TINAG: variants seen among roughly 807,000 people sequenced by gnomAD.
TINAG encodes the protein tubulointerstitial nephritis antigen.
Under a neutral mutation model 72.7 loss-of-function variants are expected in TINAG, and 83 were observed. The ratio of observed to expected loss-of-function variants is 1.14; its 90% CI spans 0.96 to 1.37. TINAG has a LOEUF of 1.37. TINAG is among the 40% of genes most tolerant of loss of function. The pLI is 0.00. For missense variants in TINAG, 685 were observed against 576.6 expected, an observed-to-expected ratio of 1.19 and a Z score of -1.93; for synonymous variants, 234 against 189.9, an observed-to-expected ratio of 1.23 and a Z score of -1.91.
intron 3 of TINAG, among the ~76,000 whole-genome samples, chr6:54,322,650 T>G (rs1037647759): frequency 6.6e-6 from 1 of 152,170 alleles, no homozygotes; most frequent in African/African-American, 2.4e-5. Flanking sequence ...GTATTCAAAG[T>G]TTTTTCTTGG....
intron 9 of TINAG, among the ~76,000 whole-genome samples, chr6:54,357,656 T>C (rs1401699260): frequency 6.6e-6 from 1 of 151,932 alleles, no homozygotes; most frequent in Admixed American, 6.6e-5. Context: ...ACAACCTCTT[T>C]TGGCCCTTTC....
Position 54,349,810 on chromosome 6 carries a change from C to T in TINAG, c.994C>T (p.Arg332Trp), listed in dbSNP as rs767247771. ...AAGCAGGTCTGATGGGCGAGGAAAA[C>T]GGCATGCCACGAAGCCATGTCCCAA... ...MASRSDGRGKRHATKPCPNNV... is the reference protein window; with the variant it reads ...MASRSDGRGKWHATKPCPNNV... Residue 332 changes from arginine to tryptophan, a missense_variant, in exon 7 of 11, where the codon CGG (arginine) becomes TGG (tryptophan). Transcript: ENST00000259782. 29 of 1,610,450 alleles carry T rather than the reference C, an allele frequency of 1.8e-5. No individual in the cohort carries two copies. Among genetic ancestry groups the T allele is most frequent in the Non-Finnish European group, 2.4e-5 (28 of 1,177,878 alleles).
intron 8 of TINAG, among the ~76,000 whole-genome samples, chr6:54,351,864 C>T (rs537560001): frequency 9.9e-5 from 15 of 151,804 alleles, no homozygotes; most frequent in African/African-American, 1.7e-4. Context: ...CAAAATAAAG[C>T]GAGTAAACTA....
Position 54,389,907 on chromosome 6 carries a change from G to A in TINAG, c.1413G>A (p.Thr471=), listed in dbSNP as rs746091391. ...TTATCGCAGCTTGGGGCCAACTGAC[G>A]AGTTCTGATGAACCATAACATATCA... is the stretch of plus-strand genomic sequence containing the variant. ...KLIIAAWGQL[T]SSDEP Residue 471 remains threonine, a synonymous_variant, in exon 11 of 11, where the codon ACG becomes ACA. Coordinates refer to ENST00000259782, the MANE Select transcript of TINAG (RefSeq NM_014464.4). 1.4e-5 allele frequency: 23 copies of A among 1,611,282 alleles called. No homozygotes were observed. Among genetic ancestry groups the A allele is most frequent in the Non-Finnish European group, 1.9e-5 (22 of 1,178,944 alleles).
chr6:54,378,431 A>G (rs1299516956), intron 9 of TINAG, among the ~76,000 whole-genome samples: 3 of 152,140 alleles, frequency 2.0e-5, no homozygotes, highest in African/African-American at 7.2e-5. Flanking sequence ...TTAAAATTAT[A>G]TATAATAAAC....
At chr6:54,387,922 TAC>T (rs1182462999) in intron 10 of TINAG, among the ~76,000 whole-genome samples, 2 of 152,166 alleles carry the variant, frequency 1.3e-5, no homozygotes, top group Non-Finnish European at 2.9e-5. Flanking sequence ...CACTAATTTT[TAC>T]AGTGTCTTAC....
upstream of TINAG, chr6:54,308,137 C>A (rs1328658310): frequency 6.5e-7 from 1 of 1,547,660 alleles, no homozygotes. Flanking sequence ...TTTGAATTTC[C>A]TGCACCTTGC....
intron 9 of TINAG, among the ~76,000 whole-genome samples, chr6:54,355,597 A>G (rs10948812): frequency 0.15 from 22,461 of 151,906 alleles, 1,846 homozygotes; most frequent in Non-Finnish European, 0.18. Context: ...CTAAGATAAT[A>G]CTAATTTTAT....
intron 10 of TINAG, among the ~76,000 whole-genome samples, chr6:54,383,671 C>G (rs892432120): frequency 2.6e-5 from 4 of 151,868 alleles, no homozygotes; most frequent in Non-Finnish European, 5.9e-5. Flanking sequence ...TCAATAGAAG[C>G]AATAGATGAT....
intron 9 of TINAG, among the ~76,000 whole-genome samples, chr6:54,355,149 G>A (rs1023359662): frequency 2.6e-5 from 4 of 151,798 alleles, no homozygotes; most frequent in African/African-American, 2.4e-5. Flanking sequence ...AAAATTTGGT[G>A]GTGGCATTTC....
intron 6 of TINAG, among the ~76,000 whole-genome samples, chr6:54,348,664 A>G (rs1017563495): frequency 2.0e-5 from 3 of 151,998 alleles, no homozygotes; most frequent in Non-Finnish European, 2.9e-5. Flanking sequence ...CCCTAACCTC[A>G]TGACATCCTT....
Position 54,320,555 on chromosome 6 carries a change from T to C in TINAG, c.356-24T>C, listed in dbSNP as rs544499855. ...TTTATTACTTAGTTTAGCATTTTCATTTCTTTACATGTTACTTTGACAGGT... is the reference window on the plus strand; with the variant it reads ...TTTATTACTTAGTTTAGCATTTTCACTTCTTTACATGTTACTTTGACAGGT... On this transcript the variant is annotated intron_variant, in intron 1 of 10. Transcript: ENST00000259782. 19 of 1,577,828 alleles carry C rather than the reference T, an allele frequency of 1.2e-5. No homozygotes were observed. In the African/African-American group the frequency reaches 1.9e-4, roughly 16 times the overall value.
At chr6:54,366,664 G>C (rs1763431083) in intron 9 of TINAG, among the ~76,000 whole-genome samples, 1 of 151,382 alleles carries the variant, frequency 6.6e-6, no homozygotes, top group Non-Finnish European at 1.5e-5. Context: ...TGTAGATGGA[G>C]ATAGGATAGG....
In TINAG at chr6:54,308,583, T is replaced by G. The variant is rs144064742; in HGVS notation, c.33T>G (p.Ser11=). 1,153 of 1,612,922 alleles carry G rather than the reference T, an allele frequency of 7.1e-4. 6 individuals carry two copies. In the Middle Eastern group the frequency reaches 9.9e-3, roughly 14 times the overall value. Reference sequence around the variant, plus strand: ...CCGGATATAAGATCTTAATCTTCTCTTATCTTACTACAGAAATCTGGATGG... The same window carrying G: ...CCGGATATAAGATCTTAATCTTCTCGTATCTTACTACAGAAATCTGGATGG... MWTGYKILIF[S]YLTTEIWMEK... Residue 11 remains serine (S), a synonymous_variant, in exon 1 of 11, where the codon TCT becomes TCG. Transcript: ENST00000259782.
At chr6:54,320,300 G>A (rs1399525004) in intron 1 of TINAG, among the ~76,000 whole-genome samples, 1 of 151,932 alleles carries the variant, frequency 6.6e-6, no homozygotes, top group African/African-American at 2.4e-5. Flanking sequence ...TATTTTTTAA[G>A]CATAGTGATT....
At chr6:54,308,114 T>G, upstream of TINAG, 1 of 1,549,802 alleles carries the variant, frequency 6.5e-7, no homozygotes, top group East Asian at 2.4e-5. Context: ...AACGAATAAT[T>G]GCATTTTTGA....
At chr6:54,375,969 C>A (rs1273221849) in intron 9 of TINAG, among the ~76,000 whole-genome samples, 1 of 152,128 alleles carries the variant, frequency 6.6e-6, no homozygotes, top group Non-Finnish European at 1.5e-5. Context: ...CTGAGCCACA[C>A]CTGCCTAACT....
chr6:54,310,791 C>CTT (rs779960863), intron 1 of TINAG, among the ~76,000 whole-genome samples: 74 of 138,014 alleles, frequency 5.4e-4, no homozygotes, highest in Non-Finnish European at 5.7e-4. Flanking sequence ...CTTTCTCTTT[C>CTT]TTTTTTCTCT....
chr6:54,362,017 T>A (rs1763252854), intron 9 of TINAG, among the ~76,000 whole-genome samples: 1 of 151,716 alleles, frequency 6.6e-6, no homozygotes, highest in African/African-American at 2.4e-5. Context: ...GATTGGTTCA[T>A]AAGGCTTAAG....
Sources: allele counts gnomAD v4.1 joint callset (sites outside exome capture counted in the v4.1 genomes callset), GRCh38; gene constraint gnomAD v4.1.1; transcripts MANE v1.5; gene names NCBI Gene and HGNC (gene_info 2026-07-23, HGNC 2026-07-21).